The following EIF3E variants were observed in gnomAD, a reference collection of about 807,000 sequenced individuals.
EIF3E encodes eIF-3 p48.
In EIF3E, 25 loss-of-function variants were observed where a neutral mutation model predicts 59.3. That is an observed-to-expected ratio of 0.42 (90% CI 0.31 to 0.59). The LOEUF (loss-of-function observed/expected upper bound fraction) is 0.59. EIF3E is among the 20% of genes least tolerant of loss of function. The pLI, the probability that EIF3E is intolerant of heterozygous loss-of-function variation, is 0.15. For synonymous variants in EIF3E, 176 were observed against 170.2 expected (o/e 1.03, Z -0.26); for missense variants, 317 against 534.3 (o/e 0.59, Z 4.01).
chr8:108,242,249 CA>C, intron 1 of EIF3E: 1 of 1,295,022 alleles, frequency 7.7e-7, no homozygotes, highest in East Asian at 5.4e-5. Context: ...AAACCCACGC[CA>C]TCTTTCCTGT....
chr8:108,248,548 C>T, intron 1 of EIF3E, 65 bp downstream of exon 1: 1 of 1,546,774 alleles, frequency 6.5e-7, no homozygotes. Flanking sequence ...ACAGACACCA[C>T]CTTTCGGCCT....
intron 1 of EIF3E, chr8:108,242,173 A>T: frequency 1.5e-6 from 2 of 1,352,562 alleles, no homozygotes; most frequent in Non-Finnish European, 9.7e-7. Flanking sequence ...GATTTACATG[A>T]CCTTATTTTT....
intron 7 of EIF3E, among the ~76,000 whole-genome samples, chr8:108,224,293 GCAAT>G (rs1251106976): frequency 6.6e-6 from 1 of 151,432 alleles, no homozygotes; most frequent in Non-Finnish European, 1.5e-5. Flanking sequence ...CATTGAACAT[GCAAT>G]CAACCAACTA....
At chr8:108,244,234 A>G (rs867342545) in intron 1 of EIF3E, among the ~76,000 whole-genome samples, 1 of 152,222 alleles carries the variant, frequency 6.6e-6, no homozygotes, top group Non-Finnish European at 1.5e-5. Context: ...TTGGGGTATA[A>G]AGTTAATATT....
intron 5 of EIF3E, among the ~76,000 whole-genome samples, chr8:108,230,298 G>A (rs116342703): frequency 0.015 from 2,311 of 152,166 alleles, 59 homozygotes; most frequent in African/African-American, 0.052. Flanking sequence ...ACTGCAACAT[G>A]GGGATAGAAC....
intron 10 of EIF3E, among the ~76,000 whole-genome samples, chr8:108,207,975 G>A (rs1430197769): frequency 2.6e-5 from 4 of 152,074 alleles, no homozygotes; most frequent in African/African-American, 9.7e-5. Flanking sequence ...TTTCCAGGAA[G>A]TAAAAAATAC....
chr8:108,203,482 G>A lies in EIF3E; in HGVS notation c.1083C>T (p.Asn361=), dbSNP rs1402910842. 8.1e-6 allele frequency: 13 copies of A among 1,612,386 alleles called. No homozygotes were observed. The highest frequency in any genetic ancestry group is 1.0e-5 in the Non-Finnish European group (12 of 1,178,978). ...ISINMLADKL[N]MTPEEAERWI... is the part of the protein sequence containing the mutation. ...ACCTTTCAGCTTCTTCTGGAGTCAT[G>A]TTCAATTTATCTGCCAACATGCTAA... The change falls in exon 11 of 13, where the codon AAC becomes AAT. Residue 361 remains asparagine, a synonymous_variant. Transcript: ENST00000220849.
intron 6 of EIF3E, 116 bp downstream of exon 6, chr8:108,228,954 A>T: frequency 8.5e-7 from 1 of 1,169,890 alleles, no homozygotes; most frequent in Non-Finnish European, 1.1e-6. Flanking sequence ...AAGGTCAACA[A>T]AAGCTAATAT....
chr8:108,247,728 T>A (rs1479652341), intron 1 of EIF3E, among the ~76,000 whole-genome samples: 1 of 152,226 alleles, frequency 6.6e-6, no homozygotes, highest in African/African-American at 2.4e-5. Context: ...AGAACTCACT[T>A]ATTTTTCTGA....
At chr8:108,244,978 T>C (rs1226034905) in intron 1 of EIF3E, among the ~76,000 whole-genome samples, 1 of 152,062 alleles carries the variant, frequency 6.6e-6, no homozygotes, top group Non-Finnish European at 1.5e-5. Flanking sequence ...CTCCTCGCCC[T>C]GAGAATGACC....
At chr8:108,212,353 ATACTG>A (rs1283102705) in intron 10 of EIF3E, among the ~76,000 whole-genome samples, 1 of 152,258 alleles carries the variant, frequency 6.6e-6, no homozygotes, top group East Asian at 1.9e-4. Context: ...TCTATGAAGT[ATACTG>A]TACTGAACAC....
At chr8:108,248,481 T>C in intron 1 of EIF3E, 132 bp downstream of exon 1, 1 of 787,512 alleles carries the variant, frequency 1.3e-6, no homozygotes, top group Non-Finnish European at 2.1e-6. Context: ...AGAAGATCCT[T>C]AGTGTCCGTC....
At chr8:108,246,250 T>G (rs940396375) in intron 1 of EIF3E, among the ~76,000 whole-genome samples, 9 of 129,218 alleles carry the variant, frequency 7.0e-5, no homozygotes, top group Non-Finnish European at 9.5e-5. Flanking sequence ...CATGAGTAAC[T>G]GGAACTGCAG....
At chr8:108,204,387 A>G (rs1815052043) in intron 10 of EIF3E, among the ~76,000 whole-genome samples, 1 of 152,026 alleles carries the variant, frequency 6.6e-6, no homozygotes, top group Non-Finnish European at 1.5e-5. Context: ...GAAGAAAATA[A>G]TGTCTTCTGC....
chr8:108,237,222 T>A (rs939443048), intron 3 of EIF3E, among the ~76,000 whole-genome samples: 2 of 152,162 alleles, frequency 1.3e-5, no homozygotes, highest in Non-Finnish European at 2.9e-5. Context: ...AGGGGATATA[T>A]GTGTATAGTT....
chr8:108,238,381 C>T (rs1350914763), intron 3 of EIF3E, among the ~76,000 whole-genome samples: 1 of 152,144 alleles, frequency 6.6e-6, no homozygotes, highest in Non-Finnish European at 1.5e-5. Context: ...GTGCTAAAGT[C>T]CCTTATGTAA....
At chr8:108,217,300 T>C (rs1307380315) in intron 8 of EIF3E, 34 bp downstream of exon 8, 1 of 1,343,664 alleles carries the variant, frequency 7.4e-7, no homozygotes, top group Non-Finnish European at 1.0e-6. Flanking sequence ...CTTAGGTATT[T>C]AAAAAAAAAA....
At chr8:108,247,577 C>T (rs1815971932) in intron 1 of EIF3E, among the ~76,000 whole-genome samples, 1 of 152,114 alleles carries the variant, frequency 6.6e-6, no homozygotes, top group Non-Finnish European at 1.5e-5. Flanking sequence ...AGGATTATAC[C>T]TGTCTAACGA....
chr8:108,244,607 C>A (rs1483729217), intron 1 of EIF3E, among the ~76,000 whole-genome samples: 1 of 152,016 alleles, frequency 6.6e-6, no homozygotes. Context: ...TAACCCCTTC[C>A]ACCATTACCA....
Sources: gnomAD v4.1 joint callset for allele counts (sites outside exome capture counted in the v4.1 genomes callset) on GRCh38, gnomAD v4.1.1 for gene constraint, MANE v1.5 for transcripts, NCBI Gene and HGNC (gene_info 2026-07-23, HGNC 2026-07-21) for gene names.